Variants in ZNF423 observed in about 807,000 individuals in gnomAD.
The protein encoded by ZNF423 is zinc finger protein 423.
A neutral mutation model predicts 95.8 loss-of-function variants in ZNF423; 12 were observed. The ratio of observed to expected loss-of-function variants is 0.13; its 90% CI spans 0.08 to 0.20. The LOEUF is 0.20. Among genes scored for constraint, ZNF423 ranks in the 10% least tolerant of loss-of-function variants. ZNF423 has a pLI of 1.00. For missense variants in ZNF423, 1,316 were observed against 1,737.1 expected (o/e 0.76, Z 4.31); for synonymous variants, 749 against 711.9 (o/e 1.05, Z -0.83).
intron 3 of ZNF423, among the ~76,000 whole-genome samples, chr16:49,660,412 GAATGAATA>G (rs901826595): frequency 1.4e-4 from 22 of 152,288 alleles, no homozygotes; most frequent in East Asian, 7.7e-4. Context: ...ATGAATGAAT[GAATGAATA>G]GTCTAATCAC....
Position 49,730,759 on chromosome 16 carries a change from G to A in ZNF423, c.301+12C>T. ...AACCACCTGTCAGAGTCCTGGGGCT[G>A]TTTTGCATTACCTCCAGGACAGCGG... On this transcript the variant is annotated intron_variant, in intron 3 of 7. Coordinates refer to ENST00000563137, the MANE Select transcript of ZNF423 (RefSeq NM_001379286.1). The A allele has an allele frequency of 6.2e-7, 1 of 1,614,210 alleles. No individual in the cohort carries two copies. The highest frequency in any genetic ancestry group is 1.7e-5 in the Admixed American group (1 of 60,032).
chr16:49,856,809 C>G (rs1567374437), upstream of ZNF423, among the ~76,000 whole-genome samples: 1 of 148,104 alleles, frequency 6.8e-6, no homozygotes. Flanking sequence ...GGCGCGCAGC[C>G]GATCCCCAGG....
chr16:49,587,436 G>A (rs539320231), intron 5 of ZNF423, among the ~76,000 whole-genome samples: 20 of 152,256 alleles, frequency 1.3e-4, no homozygotes, highest in African/African-American at 1.9e-4. Context: ...TATGAACATC[G>A]GGGGTCCAAC....
At chr16:49,833,586 CCCCTCCCACCT>C (rs2035084210) in intron 1 of ZNF423, among the ~76,000 whole-genome samples, 1 of 151,994 alleles carries the variant, frequency 6.6e-6, no homozygotes, top group Non-Finnish European at 1.5e-5. Context: ...CTCCCAGAGC[CCCCTCCCACCT>C]CCCACCCCCT....
chr16:49,751,408 T>G (rs1052706022), intron 2 of ZNF423, among the ~76,000 whole-genome samples: 6 of 152,126 alleles, frequency 3.9e-5, no homozygotes, highest in African/African-American at 9.7e-5. Flanking sequence ...AGTCTTACTA[T>G]GTTGCCCAAG....
chr16:49,561,057 C>CT (rs1217760133), intron 5 of ZNF423, among the ~76,000 whole-genome samples: 1 of 152,264 alleles, frequency 6.6e-6, no homozygotes, highest in Non-Finnish European at 1.5e-5. Context: ...TGTCTCCTTT[C>CT]TTTTTTTCTT....
At chr16:49,630,906 C>A (rs1972472672) in intron 4 of ZNF423, among the ~76,000 whole-genome samples, 1 of 151,978 alleles carries the variant, frequency 6.6e-6, no homozygotes, top group South Asian at 2.1e-4. Flanking sequence ...GAAGGGCTGA[C>A]CCCTCACATA....
intron 5 of ZNF423, among the ~76,000 whole-genome samples, chr16:49,568,529 T>C (rs12597210): frequency 0.31 from 46,904 of 152,030 alleles, 7,664 homozygotes; most frequent in East Asian, 0.61. Flanking sequence ...AAGGTATGTA[T>C]GCCTCCTAAA....
chr16:49,856,719 G>T (rs2035374953), upstream of ZNF423, among the ~76,000 whole-genome samples: 1 of 148,208 alleles, frequency 6.7e-6, no homozygotes, highest in African/African-American at 2.4e-5. Flanking sequence ...CGGCCGGCAG[G>T]CGCGCCCGTG....
chr16:49,748,743 T>C (rs59996842), intron 2 of ZNF423, among the ~76,000 whole-genome samples: 2,052 of 152,214 alleles, frequency 0.013, 50 homozygotes, highest in African/African-American at 0.047. Flanking sequence ...AGTATCTTGA[T>C]GGGTACCCAC....
chr16:49,741,399 C>CG (rs1448074204), intron 2 of ZNF423, among the ~76,000 whole-genome samples: 1 of 151,872 alleles, frequency 6.6e-6, no homozygotes. Flanking sequence ...CCCAGCTACT[C>CG]GGGGGGCTGA....
In ZNF423 at chr16:49,789,492, G is replaced by A; in HGVS notation, c.95C>T (p.Ala32Val). 6.2e-7 allele frequency: 1 copy of A among 1,612,248 alleles called. No homozygotes were observed. Among genetic ancestry groups the A allele is most frequent in the African/African-American group, 1.3e-5 (1 of 74,890 alleles). ...FSLAWDSSVT[A>V]AGGLEGEPEC... Reference sequence around the variant, plus strand: ...ACCAGCCCCCGGGCATTTACCTGCTGCTGTCACGGAGGAATCCCAGGCCAG... The same window carrying A: ...ACCAGCCCCCGGGCATTTACCTGCTACTGTCACGGAGGAATCCCAGGCCAG... The change falls in exon 2 of 8, where the codon GCA becomes GTA. Residue 32 changes from alanine (A) to valine (V), a missense_variant. Ala to Val is a moderately conservative substitution (Grantham distance 64). This residue lies in a region of ZNF423 where 155 missense variants were observed against 170.8 expected (regional missense o/e 0.91). Coordinates refer to ENST00000563137, the MANE Select transcript of ZNF423 (RefSeq NM_001379286.1).
intron 2 of ZNF423, among the ~76,000 whole-genome samples, chr16:49,741,972 G>A (rs959295052): frequency 6.6e-6 from 1 of 152,218 alleles, no homozygotes; most frequent in African/African-American, 2.4e-5. Flanking sequence ...CTGGTCAGCA[G>A]TGAGCTCCCT....
At chr16:49,794,051 C>G (rs1230242443) in intron 1 of ZNF423, among the ~76,000 whole-genome samples, 1 of 151,426 alleles carries the variant, frequency 6.6e-6, no homozygotes, top group Admixed American at 6.6e-5. Context: ...CTCTCTCGCT[C>G]TCTGAGATGG....
intron 3 of ZNF423, among the ~76,000 whole-genome samples, chr16:49,713,490 C>G (rs1394682): frequency 0.069 from 10,425 of 152,144 alleles, 521 homozygotes; most frequent in African/African-American, 0.14. Flanking sequence ...CCTGCTGCAC[C>G]CCTCTCCCTC....
Position 49,803,405 on chromosome 16 carries a change from G to A in ZNF423, c.41-13859C>T, listed in dbSNP as rs79098613. ...TGTCTCCTCCTGTAAGAGAATCCAC[G>A]CTGCAACACATGTATGGTCACAAGC... is the stretch of plus-strand genomic sequence containing the variant. On this transcript the variant is annotated intron_variant, in intron 1 of 7. Transcript: ENST00000563137. 3.4e-3 allele frequency among the ~76,000 whole-genome samples: 521 copies of A among 152,212 alleles called. 6 individuals are homozygous for A. Among genetic ancestry groups the A allele is most frequent in the African/African-American group, 0.011 (459 of 41,514 alleles).
intron 3 of ZNF423, among the ~76,000 whole-genome samples, chr16:49,667,164 T>G (rs2030586516): frequency 6.6e-6 from 1 of 152,122 alleles, no homozygotes; most frequent in Admixed American, 6.5e-5. Flanking sequence ...ATCCAAAAAA[T>G]AAGAAACAAC....
chr16:49,703,715 A>C (rs1596884826), intron 3 of ZNF423, among the ~76,000 whole-genome samples: 1 of 152,322 alleles, frequency 6.6e-6, no homozygotes, highest in Middle Eastern at 3.4e-3. Flanking sequence ...CTGCTGACTT[A>C]ATGGATTCCT....
At chr16:49,554,385 C>A (rs1260504192) in intron 5 of ZNF423, among the ~76,000 whole-genome samples, 2 of 152,164 alleles carry the variant, frequency 1.3e-5, no homozygotes, top group African/African-American at 2.4e-5. Context: ...ACCTTGGTGA[C>A]CACACCTTGA....
Sources: allele counts gnomAD v4.1 joint callset (sites outside exome capture counted in the v4.1 genomes callset), GRCh38; gene constraint gnomAD v4.1.1; regional missense constraint gnomAD v4.1.1; transcripts MANE v1.5; gene names NCBI Gene and HGNC (gene_info 2026-07-23, HGNC 2026-07-21).